CSTPP1: variants seen among roughly 807,000 people sequenced by gnomAD.
The protein encoded by CSTPP1 is UPF0705 protein C11orf49.
the CSTPP1 span, among the ~76,000 whole-genome samples, chr11:47,100,581 A>G: frequency 3.7e-4 from 57 of 152,196 alleles, no homozygotes; most frequent in African/African-American, 1.4e-3. Context: ...GCTTGAGACC[A>G]GGAGTTCAAG....
At chr11:46,966,137 G>A in the CSTPP1 span, among the ~76,000 whole-genome samples, 25 of 152,226 alleles carry the variant, frequency 1.6e-4, no homozygotes, top group African/African-American at 5.8e-4. Context: ...CTACCTCCCG[G>A]GTTCAAGTGA....
chr11:47,161,447 C>T, the CSTPP1 span: 4 of 1,613,272 alleles, frequency 2.5e-6, no homozygotes, highest in Non-Finnish European at 3.4e-6. Flanking sequence ...GCCCTCCAGG[C>T]TTCTTCCCTT....
chr11:47,004,262 T>C, the CSTPP1 span: 1 of 151,828 alleles, frequency 6.6e-6, no homozygotes, highest in African/African-American at 2.4e-5. Context: ...CATTGCAGCC[T>C]TAACCTGGGC....
At chr11:46,976,983 G>C in the CSTPP1 span, among the ~76,000 whole-genome samples, 50 of 152,312 alleles carry the variant, frequency 3.3e-4, no homozygotes, top group African/African-American at 1.1e-3. Context: ...TTGAAGGACT[G>C]GTCCTCAGCA....
At chr11:47,046,665 T>C in the CSTPP1 span, among the ~76,000 whole-genome samples, 126 of 106,708 alleles carry the variant, frequency 1.2e-3, no homozygotes, top group South Asian at 2.0e-3. Context: ...CTTTTCTTTT[T>C]TTTTTTTTTT....
chr11:47,069,716 A>T, the CSTPP1 span, among the ~76,000 whole-genome samples: 4,915 of 149,564 alleles, frequency 0.033, 276 homozygotes, highest in African/African-American at 0.11. Flanking sequence ...TATTATTATT[A>T]TTTTTTTTTT....
the CSTPP1 span, chr11:47,155,029 C>T: frequency 1.4e-6 from 1 of 710,190 alleles, no homozygotes; most frequent in Non-Finnish European, 2.5e-6. Flanking sequence ...CCTAAATGTC[C>T]TGCTGCCCCA....
the CSTPP1 span, among the ~76,000 whole-genome samples, chr11:47,046,994 G>A: frequency 6.6e-6 from 1 of 150,450 alleles, no homozygotes. Flanking sequence ...TCCACCTCCC[G>A]GGTTCAAGCG....
chr11:47,102,587 A>T, the CSTPP1 span, among the ~76,000 whole-genome samples: 1 of 152,182 alleles, frequency 6.6e-6, no homozygotes, highest in African/African-American at 2.4e-5. Flanking sequence ...GTGGACAAAT[A>T]GAAAAAAGGT....
chr11:47,077,616 T>G, the CSTPP1 span, among the ~76,000 whole-genome samples: 11,928 of 152,164 alleles, frequency 0.078, 490 homozygotes, highest in Non-Finnish European at 0.089. Context: ...TTTAGGAAGA[T>G]GAAATTATGA....
At chr11:47,091,481 G>A in the CSTPP1 span, among the ~76,000 whole-genome samples, 14 of 152,150 alleles carry the variant, frequency 9.2e-5, no homozygotes, top group Admixed American at 2.0e-4. Flanking sequence ...CTCAGTCTAC[G>A]TGTTTTATGG....
chr11:47,013,017 AAAT>A, the CSTPP1 span, among the ~76,000 whole-genome samples: 2 of 147,136 alleles, frequency 1.4e-5, no homozygotes, highest in African/African-American at 4.9e-5. Context: ...TTTATTATAT[AAAT>A]AATAACTATA....
At chr11:47,067,575 C>T in the CSTPP1 span, among the ~76,000 whole-genome samples, 1 of 152,168 alleles carries the variant, frequency 6.6e-6, no homozygotes, top group Admixed American at 6.5e-5. Flanking sequence ...ACTGGTGTCC[C>T]TGTAAGAGGA....
chr11:47,048,934 G>A, the CSTPP1 span, among the ~76,000 whole-genome samples: 1 of 152,236 alleles, frequency 6.6e-6, no homozygotes, highest in Admixed American at 6.5e-5. Flanking sequence ...CTGCACATAA[G>A]TTATAGAAAG....
the CSTPP1 span, among the ~76,000 whole-genome samples, chr11:46,981,239 AG>A: frequency 1.3e-5 from 2 of 152,098 alleles, no homozygotes; most frequent in African/African-American, 4.8e-5. Flanking sequence ...GTTTTATAAA[AG>A]ATCTCCAGAC....
chr11:46,936,895 G>A, the CSTPP1 span: 2 of 1,399,556 alleles, frequency 1.4e-6, no homozygotes, highest in African/African-American at 1.5e-5. Flanking sequence ...ACGTGCAGAC[G>A]AATTAGGCCA....
chr11:46,984,711 A>T, the CSTPP1 span, among the ~76,000 whole-genome samples: 1 of 151,954 alleles, frequency 6.6e-6, no homozygotes, highest in African/African-American at 2.4e-5. Flanking sequence ...AGGATTTGCT[A>T]CTAAGTAGAG....
At chr11:46,987,038 C>A in the CSTPP1 span, among the ~76,000 whole-genome samples, 1 of 152,216 alleles carries the variant, frequency 6.6e-6, no homozygotes, top group East Asian at 1.9e-4. Context: ...GAGACTATAG[C>A]TCAGTTAGGG....
the CSTPP1 span, among the ~76,000 whole-genome samples, chr11:47,032,577 T>A: frequency 1.1e-4 from 16 of 152,324 alleles, no homozygotes; most frequent in South Asian, 6.2e-4. Flanking sequence ...ATTTAAAAAA[T>A]TTTTTTAACT....
Sources: allele counts gnomAD v4.1 joint callset (sites outside exome capture counted in the v4.1 genomes callset), GRCh38; gene constraint gnomAD v4.1.1; transcripts MANE v1.5; gene names NCBI Gene and HGNC (gene_info 2026-07-23, HGNC 2026-07-21).